GARRE1: variants seen among roughly 807,000 people sequenced by gnomAD.
GARRE1 encodes the protein granule associated Rac and RHOG effector protein 1.
Under a neutral mutation model 103.2 loss-of-function variants are expected in GARRE1, and 49 were observed. The ratio of observed to expected loss-of-function variants is 0.47; its 90% CI spans 0.38 to 0.60. The LOEUF (loss-of-function observed/expected upper bound fraction) is 0.60, where lower values mean the gene tolerates loss of function less well. Among genes scored for constraint, GARRE1 ranks in the 20% least tolerant of loss-of-function variants. The probability of loss-of-function intolerance (pLI) is 0.00; values close to 1 mark genes in which losing one functional copy is unlikely to be tolerated. For synonymous variants in GARRE1, 505 were observed against 532.8 expected (o/e 0.95, Z 0.72); for missense variants, 1,199 against 1,370.5 (o/e 0.87, Z 1.98).
intron 2 of GARRE1, among the ~76,000 whole-genome samples, chr19:34,302,228 G>C (rs1003048000): frequency 6.7e-6 from 1 of 148,650 alleles, no homozygotes; most frequent in Non-Finnish European, 1.5e-5. Flanking sequence ...GCAACTTCAG[G>C]TGATCCGCCC....
At chr19:34,282,440 G>A (rs2073861203) in intron 1 of GARRE1, among the ~76,000 whole-genome samples, 1 of 152,170 alleles carries the variant, frequency 6.6e-6, no homozygotes, top group Non-Finnish European at 1.5e-5. Context: ...GTGAGCCACC[G>A]TGCCCAGCCC....
chr19:34,344,590 C>CAA (rs556583085), intron 10 of GARRE1, among the ~76,000 whole-genome samples: 47 of 75,222 alleles, frequency 6.2e-4, no homozygotes, highest in African/African-American at 1.7e-3. Context: ...GACTCCGTCT[C>CAA]AAAAAAAAAA....
chr19:34,296,772 C>T (rs557499339), intron 1 of GARRE1, among the ~76,000 whole-genome samples: 1 of 152,208 alleles, frequency 6.6e-6, no homozygotes, highest in African/African-American at 2.4e-5. Flanking sequence ...TCCCGAAGCA[C>T]CTAGAACTGG....
At chr19:34,258,306 G>A (rs902759435) in intron 1 of GARRE1, among the ~76,000 whole-genome samples, 4 of 151,868 alleles carry the variant, frequency 2.6e-5, no homozygotes, top group African/African-American at 4.8e-5. Flanking sequence ...TCTTACCCCC[G>A]CTCCAAAACA....
intron 5 of GARRE1, 41 bp downstream of exon 5, chr19:34,327,907 T>C: frequency 6.2e-7 from 1 of 1,613,066 alleles, no homozygotes; most frequent in Non-Finnish European, 8.5e-7. Flanking sequence ...CCTATGGCGC[T>C]GCTCCTGCAG....
At chr19:34,328,433 G>C (rs2074122478) in intron 6 of GARRE1, among the ~76,000 whole-genome samples, 1 of 151,358 alleles carries the variant, frequency 6.6e-6, no homozygotes. Flanking sequence ...GGAAGCTGAG[G>C]CTGGAGAATT....
At position 34,327,442 on chromosome 19, in the gene GARRE1, A is replaced by G; in HGVS notation, c.727A>G (p.Arg243Gly). The G allele has an allele frequency of 1.2e-6, 2 of 1,614,134 alleles. No homozygotes were observed. Among genetic ancestry groups the G allele is most frequent in the Non-Finnish European group, 1.7e-6 (2 of 1,180,004 alleles). The change falls in exon 4 of 14, where the codon AGA becomes GGA. Residue 243 changes from arginine (R) to glycine (G), a missense_variant. Arg to Gly is a moderately radical substitution (Grantham distance 125). Transcript: ENST00000299505. ...AAEATSRLRERGCDGCLAGIE... is the reference protein window; with the variant it reads ...AAEATSRLREGGCDGCLAGIE... ...ACAGGCGACATCTAGACTAAGAGAA[A>G]GAGGCTGTGATGGTTGCCTGGCAGG...
chr19:34,344,679 CTCTTT>C (rs2145282374), intron 10 of GARRE1, among the ~76,000 whole-genome samples: 1 of 151,728 alleles, frequency 6.6e-6, no homozygotes, highest in African/African-American at 2.4e-5. Flanking sequence ...ACACTCCTTT[CTCTTT>C]TTTTTTGAGA....
intron 2 of GARRE1, among the ~76,000 whole-genome samples, chr19:34,308,406 A>G (rs891844793): frequency 6.6e-6 from 1 of 152,184 alleles, no homozygotes; most frequent in Non-Finnish European, 1.5e-5. Flanking sequence ...CCTCATAAAA[A>G]GCTTGTATGA....
Position 34,342,275 on chromosome 19 carries a change from A to G in GARRE1, c.2341A>G (p.Ile781Val). Residue 781 changes from isoleucine (I) to valine (V), a missense_variant, in exon 10 of 14, where the codon ATA becomes GTA. By Grantham distance (29) the Ile-to-Val change is conservative. Transcript: ENST00000299505. ...GLSPLGQWPG[I>V]SDLSSDLYSL... ...GTCTCCTCTTGGTCAGTGGCCTGGC[A>G]TATCTGATCTCAGTTCTGACTTGTA... 1.2e-6 allele frequency: 2 copies of G among 1,614,220 alleles called. No individual in the cohort carries two copies.
At chr19:34,279,910 G>A (rs556930101) in intron 1 of GARRE1, among the ~76,000 whole-genome samples, 76 of 149,866 alleles carry the variant, frequency 5.1e-4, no homozygotes, top group Admixed American at 8.0e-4. Flanking sequence ...GCGTGAACCC[G>A]GGAGGCGGAG....
intron 1 of GARRE1, among the ~76,000 whole-genome samples, chr19:34,275,265 C>T (rs1000355245): frequency 6.0e-5 from 9 of 150,452 alleles, no homozygotes; most frequent in Non-Finnish European, 1.2e-4. Flanking sequence ...ACATACCATA[C>T]AGTTTATCCA....
chr19:34,349,482 C>A (rs527476706), intron 12 of GARRE1, among the ~76,000 whole-genome samples: 1 of 152,314 alleles, frequency 6.6e-6, no homozygotes, highest in East Asian at 1.9e-4. Context: ...GGCTCTGCAA[C>A]CCTAGACAAG....
At chr19:34,325,959 G>C (rs1331869542) in intron 3 of GARRE1, among the ~76,000 whole-genome samples, 2 of 152,160 alleles carry the variant, frequency 1.3e-5, no homozygotes, top group Non-Finnish European at 2.9e-5. Flanking sequence ...GGGTGTCTAG[G>C]ACATTCCCTG....
At chr19:34,276,342 C>G (rs1462244688) in intron 1 of GARRE1, among the ~76,000 whole-genome samples, 1 of 152,056 alleles carries the variant, frequency 6.6e-6, no homozygotes, top group African/African-American at 2.4e-5. Context: ...TGTGCCCAGC[C>G]CATCCATATT....
intron 3 of GARRE1, among the ~76,000 whole-genome samples, chr19:34,324,206 C>G (rs750225507): frequency 6.6e-6 from 1 of 152,200 alleles, no homozygotes; most frequent in Non-Finnish European, 1.5e-5. Flanking sequence ...CCACTCTGCC[C>G]TGCCCTGTTT....
chr19:34,259,795 T>C (rs969743891), intron 1 of GARRE1, among the ~76,000 whole-genome samples: 1 of 152,180 alleles, frequency 6.6e-6, no homozygotes, highest in Admixed American at 6.6e-5. Flanking sequence ...AATCCCCACA[T>C]GTGGTGGGAA....
intron 2 of GARRE1, 68 bp from the exon 3 acceptor site, chr19:34,319,839 G>A (rs2074076983): frequency 1.4e-6 from 2 of 1,406,918 alleles, no homozygotes; most frequent in African/African-American, 1.4e-5. Context: ...GTTGGTCATT[G>A]AAAATTTACT....
Position 34,355,538 on chromosome 19 carries a change from G to T in GARRE1, c.*2583G>T, listed in dbSNP as rs1303339783. 1 of 152,566 alleles carries T rather than the reference G, an allele frequency of 6.6e-6. No homozygotes were observed. Among genetic ancestry groups the T allele is most frequent in the African/African-American group, 2.4e-5 (1 of 41,400 alleles). The allele number at this position is 152,566 out of a possible 1,614,324, so 9.5% of individuals were successfully genotyped here. On this transcript the variant is annotated 3_prime_UTR_variant, in exon 14 of 14. Transcript: ENST00000299505. ...GCTCCTATAAGTAAAATAACTATTGGCTTTATTAAAAATATACATTTAATA... is the reference window on the plus strand; with the variant it reads ...GCTCCTATAAGTAAAATAACTATTGTCTTTATTAAAAATATACATTTAATA...
Sources: gnomAD v4.1 joint callset for allele counts (sites outside exome capture counted in the v4.1 genomes callset) on GRCh38, gnomAD v4.1.1 for gene constraint, MANE v1.5 for transcripts, NCBI Gene and HGNC (gene_info 2026-07-23, HGNC 2026-07-21) for gene names.